Variants in ERBB4 observed in about 807,000 individuals in gnomAD.
ERBB4 encodes erb-b2 receptor tyrosine kinase 4.
Under a neutral mutation model 158.0 loss-of-function variants are expected in ERBB4, and 42 were observed. That is an observed-to-expected ratio of 0.27 (90% confidence interval 0.21 to 0.34). The LOEUF (loss-of-function observed/expected upper bound fraction) is 0.34, where lower values mean the gene tolerates loss of function less well. ERBB4 is among the 10% of genes least tolerant of loss of function. ERBB4 has a pLI of 1.00. For missense variants in ERBB4, 1,333 were observed against 1,624.1 expected, an observed-to-expected ratio of 0.82 and a Z score of 3.08; for synonymous variants, 583 against 558.7, an observed-to-expected ratio of 1.04 and a Z score of -0.61.
intron 20 of ERBB4, among the ~76,000 whole-genome samples, chr2:211,530,009 G>A (rs59277301): frequency 0.035 from 5,292 of 152,048 alleles, 298 homozygotes; most frequent in African/African-American, 0.12. Flanking sequence ...AGAGGAATCA[G>A]ACAGGAAAAA....
intron 1 of ERBB4, among the ~76,000 whole-genome samples, chr2:212,510,803 T>C (rs770755833): frequency 1.3e-5 from 2 of 151,978 alleles, no homozygotes; most frequent in Non-Finnish European, 2.9e-5. Flanking sequence ...TCTGGAAAAA[T>C]AATCTATGAA....
intron 2 of ERBB4, among the ~76,000 whole-genome samples, chr2:211,955,686 G>A (rs1219017438): frequency 1.3e-5 from 2 of 152,006 alleles, no homozygotes; most frequent in Non-Finnish European, 2.9e-5. Flanking sequence ...GTCAATCACA[G>A]GCTACCAACT....
At chr2:212,175,378 C>G (rs1394516654) in intron 1 of ERBB4, among the ~76,000 whole-genome samples, 2 of 151,974 alleles carry the variant, frequency 1.3e-5, no homozygotes, top group African/African-American at 4.8e-5. Flanking sequence ...CTGTTTCTCT[C>G]TGCTTTCCTT....
intron 2 of ERBB4, among the ~76,000 whole-genome samples, chr2:212,017,747 G>T (rs113935350): frequency 1.5e-4 from 23 of 152,118 alleles, no homozygotes; most frequent in African/African-American, 5.3e-4. Context: ...CTCCACTCTG[G>T]CCTACAGTGG....
chr2:211,610,400 G>T (rs1250214712), intron 19 of ERBB4, among the ~76,000 whole-genome samples: 1 of 152,120 alleles, frequency 6.6e-6, no homozygotes, highest in Non-Finnish European at 1.5e-5. Context: ...TCTGGAAACA[G>T]ATCATTAACA....
chr2:212,273,467 C>A (rs769196809), intron 1 of ERBB4, among the ~76,000 whole-genome samples: 2 of 151,762 alleles, frequency 1.3e-5, no homozygotes, highest in Non-Finnish European at 2.9e-5. Flanking sequence ...ATAGAAATAG[C>A]AAATATGCTA....
At chr2:211,746,760 G>A (rs2074985112) in intron 5 of ERBB4, among the ~76,000 whole-genome samples, 1 of 151,370 alleles carries the variant, frequency 6.6e-6, no homozygotes, top group Admixed American at 6.6e-5. Flanking sequence ...AACCCGGGAG[G>A]CGGAGGTTGC....
At chr2:212,441,172 C>T (rs1459074543) in intron 1 of ERBB4, among the ~76,000 whole-genome samples, 1 of 151,926 alleles carries the variant, frequency 6.6e-6, no homozygotes, top group Non-Finnish European at 1.5e-5. Flanking sequence ...GCTGGGGATA[C>T]TGAGTTTGTA....
chr2:211,515,302 C>G (rs889883426), intron 20 of ERBB4, among the ~76,000 whole-genome samples: 1 of 151,976 alleles, frequency 6.6e-6, no homozygotes, highest in Non-Finnish European at 1.5e-5. Flanking sequence ...GGGTGTGACA[C>G]AGAAGTAATA....
chr2:211,755,967 G>A (rs905394484), intron 4 of ERBB4, among the ~76,000 whole-genome samples: 13 of 152,162 alleles, frequency 8.5e-5, no homozygotes, highest in African/African-American at 3.1e-4. Flanking sequence ...AAAACTGGCA[G>A]GTTTGACCTC....
intron 1 of ERBB4, among the ~76,000 whole-genome samples, chr2:212,440,445 T>C (rs2105974073): frequency 6.6e-6 from 1 of 152,340 alleles, no homozygotes; most frequent in East Asian, 1.9e-4. Flanking sequence ...CTCCTCATCT[T>C]GCAGGCAGCC....
At chr2:212,329,107 G>T (rs2088004854) in intron 1 of ERBB4, among the ~76,000 whole-genome samples, 1 of 151,992 alleles carries the variant, frequency 6.6e-6, no homozygotes, top group Non-Finnish European at 1.5e-5. Context: ...TTTACTGAGA[G>T]CTTGTTATTT....
At chr2:211,946,458 A>G (rs532736375) in intron 3 of ERBB4, among the ~76,000 whole-genome samples, 2 of 152,094 alleles carry the variant, frequency 1.3e-5, no homozygotes, top group East Asian at 1.9e-4. Context: ...CTCAAAGTAC[A>G]TATAAAACCA....
At chr2:211,987,330 C>CAAAAAAAAAAAAAAAAA (rs564412801) in intron 2 of ERBB4, among the ~76,000 whole-genome samples, 79 of 56,066 alleles carry the variant, frequency 1.4e-3, no homozygotes, top group East Asian at 4.7e-3. Flanking sequence ...CAAGAAAAGA[C>CAAAAAAAAAAAAAAAAA]AAAAAAAAAA....
intron 19 of ERBB4, among the ~76,000 whole-genome samples, chr2:211,562,940 G>T (rs6717692): frequency 0.087 from 13,142 of 151,546 alleles, 1,623 homozygotes; most frequent in African/African-American, 0.28. Context: ...CCCGGCTAAT[G>T]TTTTGTATTT....
chr2:212,181,845 C>T (rs2125691831), intron 1 of ERBB4, among the ~76,000 whole-genome samples: 1 of 151,830 alleles, frequency 6.6e-6, no homozygotes, highest in East Asian at 1.9e-4. Context: ...TTGTTCTTCA[C>T]ATATCCCTCT....
At chr2:212,198,774 G>A (rs974351015) in intron 1 of ERBB4, among the ~76,000 whole-genome samples, 2 of 140,010 alleles carry the variant, frequency 1.4e-5, no homozygotes, top group Non-Finnish European at 3.0e-5. Context: ...AGTAGAGATG[G>A]GGTTTCACCA....
chr2:212,107,442 G>A (rs1229423312), intron 2 of ERBB4, among the ~76,000 whole-genome samples: 2 of 152,138 alleles, frequency 1.3e-5, no homozygotes, highest in South Asian at 2.1e-4. Flanking sequence ...TCCAATGCCT[G>A]TATCCCCATT....
intron 3 of ERBB4, among the ~76,000 whole-genome samples, chr2:211,804,089 T>C (rs2076559442): frequency 6.6e-6 from 1 of 152,190 alleles, no homozygotes; most frequent in African/African-American, 2.4e-5. Flanking sequence ...ACACTTCCAC[T>C]GCTGAATATT....
Sources: allele counts gnomAD v4.1 joint callset (sites outside exome capture counted in the v4.1 genomes callset), GRCh38; gene constraint gnomAD v4.1.1; transcripts MANE v1.5; gene names NCBI Gene and HGNC (gene_info 2026-07-23, HGNC 2026-07-21).